Variants in DHX37 observed in about 807,000 individuals in gnomAD.
DHX37 encodes the protein probable ATP-dependent RNA helicase DHX37.
A neutral mutation model predicts 134.3 loss-of-function variants in DHX37; 52 were observed. The observed-to-expected ratio is 0.39, with a 90% CI of 0.31 to 0.49. The LOEUF is 0.49. Ranked by LOEUF, DHX37 falls within the 20% of genes least tolerant of loss-of-function variation. The pLI is 0.93. For missense variants in DHX37, 1,344 were observed against 1,580.8 expected (o/e 0.85, Z 2.54); for synonymous variants, 634 against 670.7 (o/e 0.95, Z 0.85).
In DHX37 at chr12:124,957,131, A is replaced by G. The variant is rs200059139; in HGVS notation, c.2162T>C (p.Ile721Thr). ...GGGGGGCGTCGGGAAGGGGAAGTTG[A>G]TGACCTGGGACACAAGGAGACGTGG... ...QMKALNVEKV[I>T]NFPFPTPPSV... The change falls in exon 17 of 27, where the codon ATC (isoleucine) becomes ACC (threonine). Residue 721 changes from isoleucine (I) to threonine (T), a missense_variant. By Grantham distance (89) the Ile-to-Thr change is moderately conservative (BLOSUM62 -1). Around this residue, in one of 7 missense-constraint regions of DHX37, gnomAD observed 558 missense variants for 650.0 expected, o/e 0.86. Transcript: ENST00000308736. The G allele has an allele frequency of 2.5e-4, 378 of 1,498,384 alleles. No homozygotes were observed. The highest frequency in any genetic ancestry group is 3.2e-4 in the Non-Finnish European group (364 of 1,126,612). 92.8% of individuals were successfully genotyped at this position (1,498,384 alleles called of 1,614,324 possible).
At chr12:124,971,470 C>T in intron 7 of DHX37, 55 bp from the exon 8 acceptor site, 1 of 1,584,706 alleles carries the variant, frequency 6.3e-7, no homozygotes, top group South Asian at 1.1e-5. Flanking sequence ...CCAAGGGCCG[C>T]TTCACGTCCC....
In DHX37 at chr12:124,953,876, G is replaced by T; in HGVS notation, c.2695+4C>A. ...TGCAGCGGCGTGCCGGCACGGGGCC[G>T]TACCTGCGGTGGTCAGCTGGCCCCG... On this transcript the variant is annotated splice_donor_region_variant and intron_variant, in intron 20 of 26. Transcript: ENST00000308736. 6.2e-7 allele frequency: 1 copy of T among 1,610,524 alleles called. No individual in the cohort carries two copies. Among genetic ancestry groups the T allele is most frequent in the Non-Finnish European group, 8.5e-7 (1 of 1,178,818 alleles).
intron 8 of DHX37, among the ~76,000 whole-genome samples, chr12:124,970,810 G>A (rs983996650): frequency 9.2e-5 from 14 of 152,332 alleles, no homozygotes; most frequent in African/African-American, 3.4e-4. Context: ...GGTGAGACAG[G>A]CCTACTGCAT....
At chr12:124,947,997 C>T (rs991708535) in intron 26 of DHX37, 87 bp downstream of exon 26, 15 of 1,613,562 alleles carry the variant, frequency 9.3e-6, no homozygotes, top group Non-Finnish European at 1.3e-5. Context: ...TCTGCCAAGC[C>T]AGGGCTGACC....
At position 124,965,726 on chromosome 12, in the gene DHX37, T is replaced by TTCCTCATCCACTTCTGCCTCCCTG; in HGVS notation, c.1653_1676dup (p.Asp551_Glu558dup). On this transcript the variant is annotated inframe_insertion, in exon 13 of 27. Coordinates refer to ENST00000308736, the MANE Select transcript of DHX37 (RefSeq NM_032656.4). ...CGAGGTCGGAGTCCAGGGCCCCCTCTTCCTCATCCACTTCTGCCTCCCTGT... is the reference window on the plus strand; with the variant it reads ...CGAGGTCGGAGTCCAGGGCCCCCTCTTCCTCATCCACTTCTGCCTCCCTGTCCTCATCCACTTCTGCCTCCCTGT... 1 of 1,614,018 alleles carries TTCCTCATCCACTTCTGCCTCCCTG rather than the reference T, an allele frequency of 6.2e-7. No individual in the cohort carries two copies. Among genetic ancestry groups the TTCCTCATCCACTTCTGCCTCCCTG allele is most frequent in the African/African-American group, 1.3e-5 (1 of 75,064 alleles).
At chr12:124,953,683 A>T in intron 20 of DHX37, 197 bp downstream of exon 20, 1 of 988,538 alleles carries the variant, frequency 1.0e-6, no homozygotes, top group South Asian at 1.8e-5. Context: ...GGCAGCTCGA[A>T]TCTGTTAGTG....
chr12:124,961,294 G>A (rs28643481), intron 15 of DHX37, among the ~76,000 whole-genome samples: 16 of 140,228 alleles, frequency 1.1e-4, no homozygotes, highest in African/African-American at 4.3e-4. Context: ...ACACTTACAC[G>A]CGTGCACGCA....
chr12:124,971,801 C>G (rs1412050409), intron 7 of DHX37, among the ~76,000 whole-genome samples: 1 of 152,240 alleles, frequency 6.6e-6, no homozygotes, highest in African/African-American at 2.4e-5. Context: ...CTTCACCAGA[C>G]AGCAGTCCCC....
chr12:124,972,150 A>C (rs1375243983), intron 7 of DHX37, among the ~76,000 whole-genome samples: 3 of 152,352 alleles, frequency 2.0e-5, no homozygotes, highest in South Asian at 2.1e-4. Context: ...CAGAGCCTGC[A>C]CACCACAGGC....
At chr12:124,964,125 G>T (rs1954327492) in intron 15 of DHX37, among the ~76,000 whole-genome samples, 1 of 150,998 alleles carries the variant, frequency 6.6e-6, no homozygotes, top group South Asian at 2.1e-4. Flanking sequence ...AACGTAGGAG[G>T]TGGAGGTTGC....
rs1284076113 is a variant in DHX37, at chr12:124,950,419, C to A, written c.3115G>T (p.Val1039Leu). 1.5e-5 allele frequency: 24 copies of A among 1,599,432 alleles called. No individual in the cohort carries two copies. The highest frequency in any genetic ancestry group is 2.0e-5 in the Non-Finnish European group (23 of 1,172,942). ...RGRVLCHRAS[V>L]FYRVGWPLPA... ...GGACACTGCCCCAACTCACAGAACA[C>A]GCTGGCCCGGTGACACAGCACCCGC... is the stretch of plus-strand genomic sequence containing the variant. The change falls in exon 23 of 27, where the codon GTG (valine) becomes TTG (leucine). Residue 1039 changes from valine (V) to leucine (L), a missense_variant. Val to Leu is a conservative substitution (Grantham distance 32). Around this residue, in one of 7 missense-constraint regions of DHX37, gnomAD observed 558 missense variants for 650.0 expected, o/e 0.86. Transcript: ENST00000308736.
At position 124,949,357 on chromosome 12, in the gene DHX37, G is replaced by C. The variant is rs1019409120; in HGVS notation, c.3290+629C>G. 6.6e-6 allele frequency among the ~76,000 whole-genome samples: 1 copy of C among 152,238 alleles called. No homozygotes were observed. The highest frequency in any genetic ancestry group is 2.1e-4 in the South Asian group (1 of 4,838). On this transcript the variant is annotated intron_variant, in intron 25 of 26. Transcript: ENST00000308736. This position sits in a 1 kb window ranked among gnomAD's most constrained non-coding sequence, Gnocchi z 4.0. ...CCATAGGCCCCACCAGCCCCAGGAA[G>C]GGGGAGGTGTCTGTGGGTCTGGACC... is the stretch of plus-strand genomic sequence containing the variant.
chr12:124,954,832 C>T (rs879471964), intron 18 of DHX37, among the ~76,000 whole-genome samples: 8 of 152,186 alleles, frequency 5.3e-5, no homozygotes, highest in Non-Finnish European at 1.0e-4. Context: ...GTGTCAGGCA[C>T]GGCTCAAAGC....
chr12:124,962,302 G>A lies in DHX37; in HGVS notation c.2046-1879C>T, dbSNP rs150686475. Among the ~76,000 whole-genome samples the A allele has an allele frequency of 8.9e-3, 1,362 of 152,308 alleles. 17 individuals are homozygous for A. Among genetic ancestry groups the A allele is most frequent in the African/African-American group, 0.031 (1,300 of 41,570 alleles). ...TGCCTATAATCCCAGCACTTTGGGA[G>A]GCTGAGGCAGGTGTTCAAGACCAGC... is the stretch of plus-strand genomic sequence containing the variant. On this transcript the variant is annotated intron_variant, in intron 15 of 26. Transcript: ENST00000308736.
chr12:124,968,470 C>G, intron 10 of DHX37, 64 bp downstream of exon 10: 1 of 1,592,698 alleles, frequency 6.3e-7, no homozygotes. Flanking sequence ...CCCTCCCACA[C>G]TCGTGCTTTC....
At chr12:124,986,003 T>C in intron 2 of DHX37, 93 bp downstream of exon 2, 2 of 1,498,632 alleles carry the variant, frequency 1.3e-6, no homozygotes, top group South Asian at 2.5e-5. Context: ...GTTCTATTAG[T>C]TGCACCACAG....
Position 124,988,954 on chromosome 12 carries a change from G to T in DHX37, c.69C>A (p.Gly23=), listed in dbSNP as rs777409221. Residue 23 remains glycine, a synonymous_variant, in exon 1 of 27, where the codon GGC becomes GGA. Coordinates refer to ENST00000308736, the MANE Select transcript of DHX37 (RefSeq NM_032656.4). ...RQQAGPGPSK[G]PPEPPPVQLE... The stretch of plus-strand genomic sequence containing the variant: ...GCTGCACGGGGGGCGGCTCGGGGGG[G>T]CCCTTCGAGGGTCCGGGGCCCGCCT... 1.3e-5 allele frequency: 17 copies of T among 1,342,572 alleles called. No homozygotes were observed. The highest frequency in any genetic ancestry group is 1.5e-5 in the Non-Finnish European group (16 of 1,037,940). 83.2% of individuals were successfully genotyped at this position (1,342,572 alleles called of 1,614,324 possible).
chr12:124,987,934 G>A (rs1313975580), intron 1 of DHX37, among the ~76,000 whole-genome samples: 2 of 150,922 alleles, frequency 1.3e-5, no homozygotes, highest in Non-Finnish European at 2.9e-5. Context: ...ATGTGAAAAC[G>A]AAGGCACAGA....
intron 4 of DHX37, among the ~76,000 whole-genome samples, chr12:124,979,579 C>T (rs192359573): frequency 4.6e-5 from 7 of 152,276 alleles, no homozygotes; most frequent in Admixed American, 1.3e-4. Flanking sequence ...ACTGGAATAA[C>T]GTAAAGGACA....
Sources: allele counts gnomAD v4.1 joint callset (sites outside exome capture counted in the v4.1 genomes callset), GRCh38; gene constraint gnomAD v4.1.1; regional missense constraint gnomAD v4.1.1; non-coding constraint Gnocchi (gnomAD v3.1); transcripts MANE v1.5; gene names NCBI Gene and HGNC (gene_info 2026-07-23, HGNC 2026-07-21).